The following TALDO1 variants were observed in gnomAD, a reference collection of about 807,000 sequenced individuals.
The protein encoded by TALDO1 is transaldolase.
TALDO1 carries 29 observed loss-of-function variants against 38.1 expected under a neutral mutation model. The ratio of observed to expected loss-of-function variants is 0.76; its 90% CI spans 0.57 to 1.04. The LOEUF (loss-of-function observed/expected upper bound fraction) is 1.04, where lower values mean the gene tolerates loss of function less well. Ranked by LOEUF, TALDO1 falls within the 50% of genes least tolerant of loss-of-function variation. TALDO1 has a pLI of 0.00. For missense variants in TALDO1, 499 were observed against 438.1 expected (o/e 1.14, Z -1.24); for synonymous variants, 207 against 176.8 (o/e 1.17, Z -1.36).
rs745777729 is a variant in TALDO1 at position 747,528 on chromosome 11, A to C, written c.47A>C (p.Asp16Ala). The C allele has an allele frequency of 3.8e-6, 6 of 1,599,952 alleles. No individual in the cohort carries two copies. The South Asian group carries it at 4.5e-5, about 12-fold the overall frequency. Residue 16 changes from aspartate (D) to alanine (A), a missense_variant, in exon 1 of 8, where the codon GAC becomes GCC. Physicochemically the swap from Asp to Ala is moderately radical, Grantham distance 126 (BLOSUM62 -2). Coordinates refer to ENST00000319006, the MANE Select transcript of TALDO1 (RefSeq NM_006755.2). ...CGTCAGAGGATGGAGTCCGCGCTGG[A>C]CCAGCTCAAGCAGTTCACCACCGTG... is the stretch of plus-strand genomic sequence containing the variant. ...VKRQRMESAL[D>A]QLKQFTTVVA...
Position 764,432 on chromosome 11 carries a change from C to CA in TALDO1, c.981dup (p.Glu328ArgfsTer15), listed in dbSNP as rs778942569. On this transcript the variant is annotated frameshift_variant and splice_region_variant, in exon 7 of 8. Transcript: ENST00000319006. LOFTEE classifies it high-confidence loss of function. ...GCAGTGAAGCTGGAGCGGATGCTGA[C>CA]AGTGAGTGTTGTGTGTGGGTACCTA... 6.2e-7 allele frequency: 1 copy of CA among 1,614,062 alleles called. No homozygotes were observed. The highest frequency in any genetic ancestry group is 8.5e-7 in the Non-Finnish European group (1 of 1,179,946).
chr11:749,381 G>A (rs1167950032), intron 1 of TALDO1, among the ~76,000 whole-genome samples: 2 of 117,244 alleles, frequency 1.7e-5, no homozygotes, highest in East Asian at 2.4e-4. Context: ...CAGCCTGGGC[G>A]ACAGAGCAAA....
chr11:764,256 G>A (rs1863009675), intron 6 of TALDO1, 32 bp from the exon 7 acceptor site: 3 of 1,613,898 alleles, frequency 1.9e-6, no homozygotes, highest in Non-Finnish European at 2.5e-6. Context: ...GGGACATGGA[G>A]CAGGCATGGA....
intron 2 of TALDO1, chr11:756,288 C>T: frequency 4.4e-6 from 2 of 451,744 alleles, no homozygotes; most frequent in Non-Finnish European, 8.2e-6. Flanking sequence ...CCCTCCTCCC[C>T]TCCTGTAGTC....
chr11:751,185 C>T (rs1194579093), intron 1 of TALDO1, among the ~76,000 whole-genome samples: 2 of 152,024 alleles, frequency 1.3e-5, no homozygotes, highest in Non-Finnish European at 2.9e-5. Flanking sequence ...ACCTCAGCCT[C>T]CCAAGTAGCT....
At position 758,848 on chromosome 11, in the gene TALDO1, G is replaced by A. The variant is rs1028429633; in HGVS notation, c.222-102G>A. On this transcript the variant is annotated intron_variant, in intron 2 of 7. Transcript: ENST00000319006. ...TCTTGATCTCCTGACCTCATGATCC[G>A]CCCACCTCGGCCTCCCAAAGTGCTG... 4.7e-5 allele frequency: 37 copies of A among 787,924 alleles called. 1 individual carries two copies. Among genetic ancestry groups the A allele is most frequent in the East Asian group, 3.7e-4 (11 of 29,398 alleles). The allele number at this position is 787,924 out of a possible 1,614,324, so 48.8% of individuals were successfully genotyped here.
chr11:763,793 C>G lies in TALDO1; in HGVS notation c.684C>G (p.Ser228Arg). The G allele has an allele frequency of 6.2e-7, 1 of 1,614,102 alleles. No individual in the cohort carries two copies. Among genetic ancestry groups the G allele is most frequent in the Non-Finnish European group, 8.5e-7 (1 of 1,180,032 alleles). The change falls in exon 6 of 8, where the codon AGC becomes AGG. Residue 228 changes from serine (S) to arginine (R), a missense_variant. Physicochemically the swap from Ser to Arg is moderately radical, Grantham distance 110 (BLOSUM62 -1). Transcript: ENST00000319006. ...TCTACAACTACTACAAGAAGTTTAG[C>G]TACAAAACCATTGTCATGGGCGCCT... ...TKIYNYYKKF[S>R]YKTIVMGASF... is the part of the protein sequence containing the mutation.
chr11:764,389 C>A lies in TALDO1; in HGVS notation c.937C>A (p.Arg313Ser), dbSNP rs778508997. The A allele has an allele frequency of 1.2e-6, 2 of 1,613,204 alleles. No homozygotes were observed. Among genetic ancestry groups the A allele is most frequent in the South Asian group, 1.1e-5 (1 of 91,076 alleles). Residue 313 changes from arginine to serine, a missense_variant, in exon 7 of 8, where the codon CGC becomes AGC. Arg to Ser is a moderately radical substitution (Grantham distance 110). Coordinates refer to ENST00000319006, the MANE Select transcript of TALDO1 (RefSeq NM_006755.2). ...MAVEKLSDGI[R>S]KFAADAVKLE... ...TGTGGAGAAGCTCTCTGACGGGATCCGCAAGTTTGCCGCTGATGCAGTGAA... is the reference window on the plus strand; with the variant it reads ...TGTGGAGAAGCTCTCTGACGGGATCAGCAAGTTTGCCGCTGATGCAGTGAA...
Position 755,919 on chromosome 11 carries a change from G to A in TALDO1, c.138G>A (p.Pro46=), listed in dbSNP as rs11550601. The A allele has an allele frequency of 8.8e-5, 142 of 1,614,132 alleles. No homozygotes were observed. The highest frequency in any genetic ancestry group is 2.3e-4 in the South Asian group (21 of 91,080). Residue 46 remains proline (P), a synonymous_variant, in exon 2 of 8, where the codon CCG becomes CCA. Coordinates refer to ENST00000319006, the MANE Select transcript of TALDO1 (RefSeq NM_006755.2). ...AGCCCCAGGATGCTACCACCAACCC[G>A]TCCCTGATCCTGGCCGCAGCACAGA... ...EYKPQDATTN[P]SLILAAAQMP...
chr11:762,974 G>C lies in TALDO1; in HGVS notation c.462-370G>C, dbSNP rs140461182. ...AGGTGACGGCCTGGCGCAAGAGCACGGGCACCCAGAGGGCCTCCCTTGCCT... is the reference window on the plus strand; with the variant it reads ...AGGTGACGGCCTGGCGCAAGAGCACCGGCACCCAGAGGGCCTCCCTTGCCT... On this transcript the variant is annotated intron_variant, in intron 4 of 7. Coordinates refer to ENST00000319006, the MANE Select transcript of TALDO1 (RefSeq NM_006755.2). Among the ~76,000 whole-genome samples, 41 of 152,280 alleles carry C rather than the reference G, an allele frequency of 2.7e-4. 1 individual carries two copies. The East Asian group carries it at 7.5e-3, about 28-fold the overall frequency.
At chr11:751,119 C>T (rs1390688070) in intron 1 of TALDO1, among the ~76,000 whole-genome samples, 1 of 151,982 alleles carries the variant, frequency 6.6e-6, no homozygotes, top group Non-Finnish European at 1.5e-5. Flanking sequence ...GGTGCAATCA[C>T]GTGGTGCAAC....
At chr11:762,181 C>G (rs1159350094) in intron 4 of TALDO1, among the ~76,000 whole-genome samples, 1 of 152,116 alleles carries the variant, frequency 6.6e-6, no homozygotes, top group African/African-American at 2.4e-5. Context: ...TCAGGCTGAT[C>G]TCAAACTCCC....
chr11:759,649 A>G (rs1590070226), intron 3 of TALDO1, among the ~76,000 whole-genome samples: 1 of 151,194 alleles, frequency 6.6e-6, no homozygotes, highest in African/African-American at 2.4e-5. Flanking sequence ...GTGTGATCTC[A>G]GCTCACTGCA....
At chr11:759,987 G>A in intron 3 of TALDO1, 135 bp from the exon 4 acceptor site, 5 of 1,241,374 alleles carry the variant, frequency 4.0e-6, no homozygotes, top group Non-Finnish European at 4.6e-6. Context: ...TCCAGTGAGG[G>A]GAAGGTTGAG....
chr11:750,238 C>T (rs57887347), intron 1 of TALDO1, among the ~76,000 whole-genome samples: 40,864 of 151,994 alleles, frequency 0.27, 6,306 homozygotes, highest in African/African-American at 0.43. Context: ...CTAACCTGTT[C>T]TCTACCTCTA....
rs183760507 is a variant in TALDO1, at chr11:754,833, T to A, written c.98-1046T>A. 3.7e-3 allele frequency among the ~76,000 whole-genome samples: 562 copies of A among 151,966 alleles called. 2 individuals carry two copies. The highest frequency in any genetic ancestry group is 0.012 in the African/African-American group (510 of 41,452). ...TGGCCCAGGTGGGAGTGTAGTGGCATGATCATGGCTCACTGCAGTCTCAAC... is the reference window on the plus strand; with the variant it reads ...TGGCCCAGGTGGGAGTGTAGTGGCAAGATCATGGCTCACTGCAGTCTCAAC... On this transcript the variant is annotated intron_variant, in intron 1 of 7. Coordinates refer to ENST00000319006, the MANE Select transcript of TALDO1 (RefSeq NM_006755.2).
At chr11:764,084 G>A in intron 6 of TALDO1, 140 bp downstream of exon 6, 1 of 1,343,930 alleles carries the variant, frequency 7.4e-7, no homozygotes, top group South Asian at 1.3e-5. Flanking sequence ...CCTCAACGGA[G>A]GGCTTGGCTT....
chr11:763,308 TCACCTGC>T (rs746106339), intron 4 of TALDO1, 29 bp from the exon 5 acceptor site: 16 of 420,598 alleles, frequency 3.8e-5, no homozygotes, highest in South Asian at 3.3e-4. Context: ...GTCCCCGCCC[TCACCTGC>T]CCCGCCCTCA....
At chr11:764,671 G>A (rs1309640483) in intron 7 of TALDO1, 142 bp from the exon 8 acceptor site, 2 of 1,425,348 alleles carry the variant, frequency 1.4e-6, no homozygotes, top group Non-Finnish European at 2.0e-6. Flanking sequence ...GGTGACTGTG[G>A]TATTGGCCAC....
Sources: allele counts gnomAD v4.1 joint callset (sites outside exome capture counted in the v4.1 genomes callset), GRCh38; gene constraint gnomAD v4.1.1; transcripts MANE v1.5; gene names NCBI Gene and HGNC (gene_info 2026-07-23, HGNC 2026-07-21).